NTRK3: variants seen among roughly 807,000 people sequenced by gnomAD.
The protein encoded by NTRK3 is NT-3 growth factor receptor.
Under a neutral mutation model 91.7 loss-of-function variants are expected in NTRK3, and 24 were observed. The ratio of observed to expected loss-of-function variants is 0.26; its 90% CI spans 0.19 to 0.37. The LOEUF (loss-of-function observed/expected upper bound fraction) is 0.37. Ranked by LOEUF, NTRK3 falls within the 10% of genes least tolerant of loss-of-function variation. NTRK3 has a pLI of 1.00. For synonymous variants in NTRK3, 483 were observed against 404.0 expected (o/e 1.20, Z -2.34); for missense variants, 880 against 1,068.9 (o/e 0.82, Z 2.46).
At chr15:88,033,210 A>ATATATATATATATATATATATATATATG (rs1301860999) in intron 13 of NTRK3, among the ~76,000 whole-genome samples, 165 bp from the exon 14 acceptor site, 1 of 121,326 alleles carries the variant, frequency 8.2e-6, no homozygotes, top group African/African-American at 3.5e-5. Context: ...ATATATATAT[A>ATATATATATATATATATATATATATATG]TATATAAATT....
intron 17 of NTRK3, chr15:87,885,724 T>C (rs1450498822): frequency 7.3e-7 from 1 of 1,363,538 alleles, no homozygotes; most frequent in Non-Finnish European, 9.7e-7. Flanking sequence ...CATTTCCAGA[T>C]GGATTAAAGA....
At chr15:88,118,719 G>C (rs2052375939) in intron 13 of NTRK3, among the ~76,000 whole-genome samples, 1 of 152,216 alleles carries the variant, frequency 6.6e-6, no homozygotes, top group Admixed American at 6.5e-5. Flanking sequence ...TTTTGGGAAA[G>C]CCCGGTGACA....
At chr15:88,096,221 TC>T (rs1448947621) in intron 13 of NTRK3, among the ~76,000 whole-genome samples, 1 of 152,018 alleles carries the variant, frequency 6.6e-6, no homozygotes, top group Admixed American at 6.5e-5. Flanking sequence ...TCTTATTCTC[TC>T]CCATCCCCAA....
intron 14 of NTRK3, among the ~76,000 whole-genome samples, chr15:87,989,267 T>C (rs1357198337): frequency 1.3e-5 from 2 of 152,212 alleles, no homozygotes; most frequent in Non-Finnish European, 2.9e-5. Flanking sequence ...TGTCCATCAA[T>C]GATAGACTGG....
intron 14 of NTRK3, among the ~76,000 whole-genome samples, chr15:87,944,533 G>A (rs901774623): frequency 2.6e-5 from 4 of 152,202 alleles, no homozygotes; most frequent in Admixed American, 1.3e-4. Flanking sequence ...GAGGTAAAAT[G>A]AGGCCAAAGA....
At chr15:87,890,961 T>C (rs1276545004) in intron 17 of NTRK3, among the ~76,000 whole-genome samples, 5 of 152,194 alleles carry the variant, frequency 3.3e-5, no homozygotes, top group African/African-American at 9.6e-5. Flanking sequence ...AGAAAAAATA[T>C]CATGACTTCT....
chr15:88,187,359 C>T (rs980163501), intron 3 of NTRK3, among the ~76,000 whole-genome samples: 33 of 152,282 alleles, frequency 2.2e-4, no homozygotes, highest in Middle Eastern at 3.4e-3. Flanking sequence ...CTGACATTTC[C>T]GGATGGCATC....
At chr15:88,139,985 AG>A (rs1439715272) in intron 6 of NTRK3, among the ~76,000 whole-genome samples, 1 of 152,160 alleles carries the variant, frequency 6.6e-6, no homozygotes, top group Non-Finnish European at 1.5e-5. Context: ...GGGAAGTTGT[AG>A]GTGAGGTGTG....
intron 17 of NTRK3, chr15:87,908,388 C>T: frequency 5.0e-6 from 2 of 398,364 alleles, no homozygotes; most frequent in Non-Finnish European, 8.9e-6. Flanking sequence ...GGAAGCAGGC[C>T]CCAGCCCATG....
intron 13 of NTRK3, among the ~76,000 whole-genome samples, chr15:88,051,207 C>T (rs1161659509): frequency 7.9e-5 from 12 of 152,142 alleles, no homozygotes; most frequent in Admixed American, 6.5e-4. Context: ...GCTTTGATGC[C>T]GACAACCCAC....
chr15:88,111,116 G>T (rs558714418), intron 13 of NTRK3, among the ~76,000 whole-genome samples: 2 of 152,208 alleles, frequency 1.3e-5, no homozygotes, highest in Admixed American at 6.5e-5. Context: ...GATGATGAGC[G>T]ATGGGGTGGG....
chr15:87,932,103 G>A (rs920075496), intron 16 of NTRK3, among the ~76,000 whole-genome samples: 11 of 152,174 alleles, frequency 7.2e-5, no homozygotes, highest in South Asian at 4.1e-4. Context: ...TGCAATAGAT[G>A]CTGTCTTCTC....
chr15:88,057,982 C>T (rs2045877120), intron 13 of NTRK3, among the ~76,000 whole-genome samples: 1 of 152,192 alleles, frequency 6.6e-6, no homozygotes, highest in East Asian at 1.9e-4. Flanking sequence ...AAAGGGCGGG[C>T]CAGGGACGGA....
intron 3 of NTRK3, among the ~76,000 whole-genome samples, chr15:88,254,871 C>T (rs2053844389): frequency 6.6e-6 from 1 of 152,154 alleles, no homozygotes; most frequent in Non-Finnish European, 1.5e-5. Flanking sequence ...CACCCTTCTC[C>T]AGGGTGGTAG....
intron 13 of NTRK3, among the ~76,000 whole-genome samples, chr15:88,105,698 C>T (rs976048459): frequency 6.6e-6 from 1 of 151,190 alleles, no homozygotes; most frequent in African/African-American, 2.4e-5. Flanking sequence ...AGTGGAAATA[C>T]ACACACACAC....
chr15:88,114,199 A>T (rs551150359), intron 13 of NTRK3, among the ~76,000 whole-genome samples: 24 of 152,324 alleles, frequency 1.6e-4, no homozygotes, highest in African/African-American at 5.8e-4. Flanking sequence ...GGATCCACTG[A>T]GGGAGGAACA....
intron 14 of NTRK3, among the ~76,000 whole-genome samples, chr15:88,004,363 G>A (rs2076337705): frequency 6.6e-6 from 1 of 152,280 alleles, no homozygotes; most frequent in Middle Eastern, 3.4e-3. Flanking sequence ...AACAAGAGGA[G>A]AGAGATGATC....
chr15:88,000,685 C>T (rs2076040983), intron 14 of NTRK3, among the ~76,000 whole-genome samples: 1 of 152,122 alleles, frequency 6.6e-6, no homozygotes, highest in Non-Finnish European at 1.5e-5. Flanking sequence ...TAGCAAGTAC[C>T]AATACTCTAT....
chr15:88,003,646 G>A (rs548771929), intron 14 of NTRK3, among the ~76,000 whole-genome samples: 17 of 152,238 alleles, frequency 1.1e-4, no homozygotes, highest in South Asian at 4.1e-4. Context: ...GCACTGCTCC[G>A]CTGAGAAGAA....
Sources: allele counts gnomAD v4.1 joint callset (sites outside exome capture counted in the v4.1 genomes callset), GRCh38; gene constraint gnomAD v4.1.1; transcripts MANE v1.5; gene names NCBI Gene and HGNC (gene_info 2026-07-23, HGNC 2026-07-21).